Variants in SYNE2 observed in about 807,000 individuals in gnomAD.
The protein encoded by SYNE2 is nesprin-2.
In SYNE2, 431 loss-of-function variants were observed where a neutral mutation model predicts 856.3. That is an observed-to-expected ratio of 0.50 (90% CI 0.47 to 0.55). The LOEUF is 0.55. Among genes scored for constraint, SYNE2 ranks in the 20% least tolerant of loss-of-function variants. The probability of loss-of-function intolerance (pLI) is 0.00; values close to 1 mark genes in which losing one functional copy is unlikely to be tolerated. For missense variants in SYNE2, 8,129 were observed against 8,023.2 expected (o/e 1.01, Z -0.50); for synonymous variants, 2,923 against 2,872.3 (o/e 1.02, Z -0.56).
At chr14:63,924,852 T>TTTTTTTTTTTTTTTTTTTTTTTTG (rs2095644491) in intron 2 of SYNE2, among the ~76,000 whole-genome samples, 1 of 138,496 alleles carries the variant, frequency 7.2e-6, no homozygotes, top group African/African-American at 2.7e-5. Context: ...TTTTTTTTTT[T>TTTTTTTTTTTTTTTTTTTTTTTTG]TTTTTTTTTT....
At chr14:64,107,362 C>A in intron 64 of SYNE2, 129 bp from the exon 65 acceptor site, 4 of 809,260 alleles carry the variant, frequency 4.9e-6, no homozygotes, top group Non-Finnish European at 4.2e-6. Context: ...TTTTTCTAAT[C>A]GTATCTGACT....
chr14:64,089,570 C>G lies in SYNE2; in HGVS notation c.11671-4C>G. On this transcript the variant is annotated splice_polypyrimidine_tract_variant and splice_region_variant and intron_variant, in intron 58 of 115. Coordinates refer to ENST00000555002, the MANE Select transcript of SYNE2 (RefSeq NM_182914.3). ...TGCATCAGTGTGTTCTTCTGAAATT[C>G]TAGGATGTGGTTGCTATTGAATCTG... 1.2e-6 allele frequency: 2 copies of G among 1,608,104 alleles called. No homozygotes were observed. The highest frequency in any genetic ancestry group is 2.2e-5 in the East Asian group (1 of 44,616).
intron 64 of SYNE2, among the ~76,000 whole-genome samples, chr14:64,105,743 C>T (rs1431280901): frequency 6.6e-6 from 1 of 151,776 alleles, no homozygotes; most frequent in Non-Finnish European, 1.5e-5. Context: ...ATGTGACACA[C>T]ATTTTCAAAC....
At chr14:64,005,880 C>T (rs2096792242) in intron 30 of SYNE2, among the ~76,000 whole-genome samples, 1 of 152,122 alleles carries the variant, frequency 6.6e-6, no homozygotes, top group African/African-American at 2.4e-5. Flanking sequence ...CTCAGGGGCA[C>T]TCCTTATTGA....
rs573361974 is a variant in SYNE2, at chr14:63,768,242, T to G, written c.-305+6256T>G. ...ACGCAAACACATCTCTGCCTACAAC[T>G]GAAAGAATTTGAGTTGACTTGAAGT... On this transcript the variant is annotated intron_variant, in intron 1 of 23. Coordinates refer to the SYNE2 transcript ENST00000674003. 2.6e-5 allele frequency among the ~76,000 whole-genome samples: 4 copies of G among 151,646 alleles called. No homozygotes were observed. In the East Asian group the frequency reaches 7.7e-4, roughly 29 times the overall value.
rs2098310559 is a variant in SYNE2, at chr14:64,159,321, G to C, written c.15973G>C (p.Asp5325His). ...TGTTTGTGTCTCTTAGTCTCTGCAA[G>C]ATGAAGCTGAGAGCAGTGAAGGGAG... ...CQVENLQSLQ[D>H]EAESSEGSWE... is the part of the protein sequence containing the mutation. The change falls in exon 87 of 116, where the codon GAT becomes CAT. Residue 5325 changes from aspartate (D) to histidine (H), a missense_variant. Asp to His is a moderately conservative substitution (Grantham distance 81). This residue lies in a region of SYNE2 where 5,410 missense variants were observed against 5,284.8 expected (regional missense o/e 1.02). Transcript: ENST00000555002. 1 of 1,613,914 alleles carries C rather than the reference G, an allele frequency of 6.2e-7. No homozygotes were observed. Among genetic ancestry groups the C allele is most frequent in the Non-Finnish European group, 8.5e-7 (1 of 1,179,866 alleles).
intron 77 of SYNE2, 62 bp downstream of exon 77, chr14:64,132,500 C>T (rs1211961533): frequency 6.3e-7 from 1 of 1,582,958 alleles, no homozygotes; most frequent in Non-Finnish European, 8.7e-7. Context: ...ATCACCACCC[C>T]AGGTGTTGAG....
intron 99 of SYNE2, among the ~76,000 whole-genome samples, chr14:64,201,616 C>G (rs763784279): frequency 1.3e-5 from 2 of 152,158 alleles, no homozygotes; most frequent in Admixed American, 6.5e-5. Context: ...TCAGACTTGC[C>G]TTCTAGAACT....
At chr14:64,097,840 C>G in intron 61 of SYNE2, 109 bp from the exon 62 acceptor site, 2 of 1,129,888 alleles carry the variant, frequency 1.8e-6, no homozygotes, top group Non-Finnish European at 2.7e-6. Flanking sequence ...GCTTTGTAAA[C>G]CAAATAGCAA....
chr14:64,188,658 C>T lies in SYNE2; in HGVS notation c.17821C>T (p.Leu5941=). Residue 5941 remains leucine, a synonymous_variant, in exon 98 of 116, where the codon CTA becomes TTA. Transcript: ENST00000555002. The part of the protein sequence containing the change: ...AWLVQMENKV[L]QTADISIEEM... Reference sequence around the variant, plus strand: ...GCTGGTGCAGATGGAAAACAAAGTTCTACAGACAGCGGACATTAGTATTGA... The same window carrying T: ...GCTGGTGCAGATGGAAAACAAAGTTTTACAGACAGCGGACATTAGTATTGA... The T allele has an allele frequency of 6.2e-7, 1 of 1,614,164 alleles. No individual in the cohort carries two copies. Among genetic ancestry groups the T allele is most frequent in the Non-Finnish European group, 8.5e-7 (1 of 1,180,018 alleles).
In SYNE2 at chr14:63,967,879, C is replaced by T. The variant is rs1032200360; in HGVS notation, c.1128+33C>T. 4.3e-6 allele frequency: 7 copies of T among 1,611,196 alleles called. No homozygotes were observed. The African/African-American group carries it at 9.4e-5, about 22-fold the overall frequency. ...TTTGTGTTGATTAGAAGAATATTTTCAGGCCAAAAGCAGTGGCTCACACCT... is the reference window on the plus strand; with the variant it reads ...TTTGTGTTGATTAGAAGAATATTTTTAGGCCAAAAGCAGTGGCTCACACCT... On this transcript the variant is annotated intron_variant, in intron 11 of 115. Coordinates refer to ENST00000555002, the MANE Select transcript of SYNE2 (RefSeq NM_182914.3).
At chr14:63,889,889 A>G (rs114728173) in intron 1 of SYNE2, among the ~76,000 whole-genome samples, 2,161 of 152,206 alleles carry the variant, frequency 0.014, 49 homozygotes, top group African/African-American at 0.049. Context: ...TGCATGGACA[A>G]CCGTGTATTA....
intron 1 of SYNE2, among the ~76,000 whole-genome samples, chr14:63,779,033 C>T (rs1473092410): frequency 1.3e-5 from 2 of 151,984 alleles, no homozygotes; most frequent in African/African-American, 4.8e-5. Context: ...AGAAATTAAT[C>T]AACAGGCCAG....
rs376408949 is a variant in SYNE2, at chr14:64,122,139, A to G, written c.13280+6A>G. The stretch of plus-strand genomic sequence containing the variant: ...ACTCAGGAATCATCTGCAAGGTAAA[A>G]CATTTAAAAATAGAGTTGGTCATTC... On this transcript the variant is annotated splice_donor_region_variant and intron_variant, in intron 69 of 115. Transcript: ENST00000555002. 2 of 1,614,064 alleles carry G rather than the reference A, an allele frequency of 1.2e-6. No individual in the cohort carries two copies. Among genetic ancestry groups the G allele is most frequent in the African/African-American group, 2.7e-5 (2 of 74,938 alleles).
chr14:64,145,951 A>T, intron 83 of SYNE2, 117 bp from the exon 84 acceptor site: 1 of 672,126 alleles, frequency 1.5e-6, no homozygotes, highest in Non-Finnish European at 2.4e-6. Context: ...GCATCTTATT[A>T]CATGAAATAT....
chr14:63,836,839 A>G (rs957238625), intron 1 of SYNE2, among the ~76,000 whole-genome samples: 4 of 152,224 alleles, frequency 2.6e-5, no homozygotes, highest in Non-Finnish European at 5.9e-5. Context: ...ACAAAACATT[A>G]CAGCGAATTC....
chr14:63,886,068 C>T (rs982848607), intron 1 of SYNE2, among the ~76,000 whole-genome samples: 1 of 152,164 alleles, frequency 6.6e-6, no homozygotes. Flanking sequence ...CCCTACCCCA[C>T]CTGTGTTGTG....
chr14:63,764,993 C>A (rs930590933), intron 1 of SYNE2, among the ~76,000 whole-genome samples: 18 of 152,210 alleles, frequency 1.2e-4, no homozygotes, highest in African/African-American at 4.3e-4. Context: ...TCAGAGTTAA[C>A]ATCAGCAGAA....
chr14:64,127,396 T>A (rs992149629), intron 73 of SYNE2, among the ~76,000 whole-genome samples: 1 of 151,068 alleles, frequency 6.6e-6, no homozygotes, highest in Non-Finnish European at 1.5e-5. Context: ...GCAACATAGA[T>A]CCCATCTCAA....
Sources: allele counts gnomAD v4.1 joint callset (sites outside exome capture counted in the v4.1 genomes callset), GRCh38; gene constraint gnomAD v4.1.1; regional missense constraint gnomAD v4.1.1; transcripts MANE v1.5; gene names NCBI Gene and HGNC (gene_info 2026-07-23, HGNC 2026-07-21).